ZNF717: variants seen among roughly 807,000 people sequenced by gnomAD.
The protein encoded by ZNF717 is zinc finger protein 717.
ZNF717 carries 9 observed loss-of-function variants against 13.8 expected under a neutral mutation model. That is an observed-to-expected ratio of 0.65 (90% CI 0.39 to 1.14). ZNF717 has a LOEUF of 1.14. Among genes scored for constraint, ZNF717 ranks in the 50% most tolerant of loss-of-function variants. The pLI is 0.01. For synonymous variants in ZNF717, 327 were observed against 364.1 expected (o/e 0.90, Z 1.16); for missense variants, 1,040 against 1,080.7 (o/e 0.96, Z 0.53).
intron 2 of ZNF717, among the ~76,000 whole-genome samples, chr3:75,772,392 AG>A (rs1245755092): frequency 6.6e-6 from 1 of 152,160 alleles, no homozygotes; most frequent in Non-Finnish European, 1.5e-5. Context: ...GCCAAATTGC[AG>A]GCAAGAAGGA....
downstream of ZNF717, among the ~76,000 whole-genome samples, chr3:75,707,690 C>T (rs140058582): frequency 6.6e-6 from 1 of 152,118 alleles, no homozygotes; most frequent in Non-Finnish European, 1.5e-5. Flanking sequence ...CAGGGAGTTC[C>T]CTTTCCTAGT....
At chr3:75,754,654 CA>C (rs1253466492) in intron 2 of ZNF717, among the ~76,000 whole-genome samples, 9 of 151,894 alleles carry the variant, frequency 5.9e-5, no homozygotes, top group African/African-American at 2.2e-4. Context: ...ACAGAAACTT[CA>C]AAAACTAAAA....
chr3:75,709,078 G>A (rs1421259560), downstream of ZNF717, among the ~76,000 whole-genome samples: 9 of 150,248 alleles, frequency 6.0e-5, no homozygotes, highest in African/African-American at 2.2e-4. Flanking sequence ...TCGGCTCACT[G>A]CAACCTCTGC....
At chr3:75,728,478 G>A (rs1421728153), downstream of ZNF717, among the ~76,000 whole-genome samples, 9 of 152,216 alleles carry the variant, frequency 5.9e-5, no homozygotes, top group African/African-American at 1.9e-4. Context: ...GATACGGTTT[G>A]GCTCTGTGTC....
At chr3:75,756,108 A>G (rs1010594943) in intron 2 of ZNF717, among the ~76,000 whole-genome samples, 2 of 152,230 alleles carry the variant, frequency 1.3e-5, no homozygotes, top group African/African-American at 4.8e-5. Flanking sequence ...TCTCTGTCAC[A>G]TTTTGGTCAT....
intron 2 of ZNF717, among the ~76,000 whole-genome samples, chr3:75,765,720 A>G (rs1274979044): frequency 6.6e-6 from 1 of 152,218 alleles, no homozygotes; most frequent in Admixed American, 6.5e-5. Flanking sequence ...CCTATAAAAA[A>G]TTATTTGAAA....
intron 2 of ZNF717, among the ~76,000 whole-genome samples, chr3:75,776,664 G>A (rs955232412): frequency 1.3e-5 from 2 of 152,194 alleles, no homozygotes; most frequent in Admixed American, 1.3e-4. Context: ...TCACAATTCA[G>A]AAGGGTCCCT....
chr3:75,733,989 G>C (rs190453795), downstream of ZNF717, among the ~76,000 whole-genome samples: 10 of 142,782 alleles, frequency 7.0e-5, no homozygotes, highest in African/African-American at 2.5e-4. Context: ...ACCAGCAGAT[G>C]TGTCATGTGA....
intron 4 of ZNF717, among the ~76,000 whole-genome samples, chr3:75,723,129 G>A (rs77136899): frequency 1.1e-4 from 17 of 150,022 alleles, no homozygotes; most frequent in South Asian, 6.3e-4. Context: ...AGAAAAACCC[G>A]TGTTTTGAAA....
chr3:75,736,912 T>G lies in ZNF717; in HGVS notation c.2711A>C (p.Tyr904Ser). The change falls in exon 5 of 5, where the codon TAT becomes TCT. Residue 904 changes from tyrosine (Y) to serine (S), a missense_variant. Coordinates refer to ENST00000652011, the MANE Select transcript of ZNF717 (RefSeq NM_001290208.3). ...GEKSDVAEAGYVFPQNHSFFP is the reference protein window; with the variant it reads ...GEKSDVAEAGSVFPQNHSFFP ...AAAAGAGTGATTTTGAGGGAACACA[T>G]AGCCTGCCTCAGCTACGTCAGATTT... 6.4e-7 allele frequency: 1 copy of G among 1,556,166 alleles called. No individual in the cohort carries two copies. Among genetic ancestry groups the G allele is most frequent in the Non-Finnish European group, 8.7e-7 (1 of 1,150,018 alleles).
At chr3:75,750,926 ATGTT>A (rs1941720447) in intron 2 of ZNF717, among the ~76,000 whole-genome samples, 1 of 150,282 alleles carries the variant, frequency 6.7e-6, no homozygotes, top group East Asian at 2.0e-4. Context: ...GAGGGTTTGA[ATGTT>A]TGTCCCTCAC....
intron 2 of ZNF717, among the ~76,000 whole-genome samples, chr3:75,743,952 AAG>A (rs1237118429): frequency 6.6e-6 from 1 of 152,268 alleles, no homozygotes; most frequent in Non-Finnish European, 1.5e-5. Context: ...ACTGGTTCAG[AAG>A]AGAGATCAAA....
chr3:75,734,182 C>T (rs1262783078), downstream of ZNF717, among the ~76,000 whole-genome samples: 28 of 152,010 alleles, frequency 1.8e-4, no homozygotes, highest in African/African-American at 6.8e-4. Context: ...CAATTCTCTG[C>T]CTCAGCCTCC....
In ZNF717 at chr3:75,744,449, A is replaced by G. The variant is rs1444900279; in HGVS notation, c.58-2713T>C. Among the ~76,000 whole-genome samples the G allele has an allele frequency of 5.9e-4, 90 of 152,378 alleles. No individual in the cohort carries two copies. In the East Asian group the frequency reaches 0.016, roughly 28 times the overall value. On this transcript the variant is annotated intron_variant, in intron 2 of 4. Transcript: ENST00000652011. ...CTAGATTTGAAACTCAGGGGAGGAC[A>G]CAGGGCAAACCACTGCCCCCAGGAT... is the stretch of plus-strand genomic sequence containing the variant.
intron 4 of ZNF717, among the ~76,000 whole-genome samples, chr3:75,723,745 G>A (rs73114985): frequency 7.1e-6 from 1 of 140,286 alleles, no homozygotes; most frequent in East Asian, 2.1e-4. Context: ...GCCTGTTACT[G>A]AGCAGACCTT....
At chr3:75,707,352 T>A (rs1221508697), downstream of ZNF717, among the ~76,000 whole-genome samples, 5 of 152,246 alleles carry the variant, frequency 3.3e-5, no homozygotes, top group Non-Finnish European at 7.3e-5. Flanking sequence ...AGTACAGATT[T>A]GTCAGAACCC....
Position 75,737,516 on chromosome 3 carries a change from T to C in ZNF717, c.2107A>G (p.Met703Val), listed in dbSNP as rs1939492270. 3.9e-6 allele frequency: 6 copies of C among 1,554,412 alleles called. No homozygotes were observed. The highest frequency in any genetic ancestry group is 4.4e-6 in the Non-Finnish European group (5 of 1,148,688). The change falls in exon 5 of 5, where the codon ATG (methionine) becomes GTG (valine). Residue 703 changes from methionine (M) to valine (V), a missense_variant. Around this residue, in one of 3 missense-constraint regions of ZNF717, gnomAD observed 873 missense variants for 832.8 expected, o/e 1.05. Coordinates refer to ENST00000652011, the MANE Select transcript of ZNF717 (RefSeq NM_001290208.3). The stretch of plus-strand genomic sequence containing the variant: ...GGATTTTCCACATTCATTACATTCA[T>C]AGGGCTTTTCCCCGGTGTGAGTTCT... ...IRELTPGKSP[M>V]NVMNVENPFI... is the part of the protein sequence containing the mutation.
In ZNF717 at chr3:75,738,929, T is replaced by G; in HGVS notation, c.694A>C (p.Ile232Leu). ...TTATATTTACCAAAGGTCTGTACTATATGAACCCTCTTATGTATAAAGAAC... is the reference window on the plus strand; with the variant it reads ...TTATATTTACCAAAGGTCTGTACTAGATGAACCCTCTTATGTATAAAGAAC... ...AMFFIHKRVH[I>L]VQTFGKYNEY... The change falls in exon 5 of 5, where the codon ATA becomes CTA. Residue 232 changes from isoleucine (I) to leucine (L), a missense_variant. Ile to Leu is a conservative substitution (Grantham distance 5). Transcript: ENST00000652011. 1 of 1,551,562 alleles carries G rather than the reference T, an allele frequency of 6.4e-7. No homozygotes were observed. The highest frequency in any genetic ancestry group is 8.7e-7 in the Non-Finnish European group (1 of 1,146,966).
chr3:75,750,253 C>A (rs1309288988), intron 2 of ZNF717, among the ~76,000 whole-genome samples: 46 of 150,782 alleles, frequency 3.1e-4, no homozygotes, highest in African/African-American at 1.1e-3. Context: ...CTGGTGGGTT[C>A]TGAGTTTCTG....
Sources: allele counts gnomAD v4.1 joint callset (sites outside exome capture counted in the v4.1 genomes callset), GRCh38; gene constraint gnomAD v4.1.1; regional missense constraint gnomAD v4.1.1; transcripts MANE v1.5; gene names NCBI Gene and HGNC (gene_info 2026-07-23, HGNC 2026-07-21).